FN1: variants seen among roughly 807,000 people sequenced by gnomAD.
The protein encoded by FN1 is fibronectin 1, also known as fibronectin.
Under a neutral mutation model 297.3 loss-of-function variants are expected in FN1, and 106 were observed. The ratio of observed to expected loss-of-function variants is 0.36; its 90% confidence interval spans 0.30 to 0.42. The LOEUF (loss-of-function observed/expected upper bound fraction) is 0.42, where lower values mean the gene tolerates loss of function less well. Among genes scored for constraint, FN1 ranks in the 10% least tolerant of loss-of-function variants. FN1 has a pLI of 1.00. For missense variants in FN1, 2,690 were observed against 3,124.9 expected, an observed-to-expected ratio of 0.86 and a Z score of 3.32; for synonymous variants, 1,149 against 1,152.6, an observed-to-expected ratio of 1.00 and a Z score of 0.06.
In FN1 at chr2:215,397,717, C is replaced by T. The variant is rs748791170; in HGVS notation, c.3480G>A (p.Gln1160=). Residue 1160 remains glutamine, a synonymous_variant, in exon 22 of 46, where the codon CAG becomes CAA. Transcript: ENST00000354785. ...TGTTTACAATTGGCGCATCTCTTTC[C>T]TGTCCATCTCTCAGGACTTGGATGG... The part of the protein sequence containing the change: ...VYTIQVLRDG[Q]ERDAPIVNKV... The T allele has an allele frequency of 6.2e-7, 1 of 1,614,126 alleles. No individual in the cohort carries two copies. The highest frequency in any genetic ancestry group is 8.5e-7 in the Non-Finnish European group (1 of 1,179,956).
At chr2:215,365,711 CA>C in intron 42 of FN1, 81 bp from the exon 43 acceptor site, 1 of 1,362,638 alleles carries the variant, frequency 7.3e-7, no homozygotes, top group Non-Finnish European at 1.0e-6. Flanking sequence ...TGGGACGTGT[CA>C]CAGGGTCTTC....
At chr2:215,385,137 A>G (rs768593840) in intron 28 of FN1, among the ~76,000 whole-genome samples, 161 bp from the exon 29 acceptor site, 1 of 152,120 alleles carries the variant, frequency 6.6e-6, no homozygotes, top group Non-Finnish European at 1.5e-5. Context: ...AATTCAAGAT[A>G]AGGGGTTACA....
intron 40 of FN1, among the ~76,000 whole-genome samples, chr2:215,371,086 C>CG (rs2055963098): frequency 2.0e-5 from 3 of 150,912 alleles, no homozygotes; most frequent in African/African-American, 7.3e-5. Context: ...TGGCCAACAT[C>CG]GTGAAACCCC....
At chr2:215,377,887 T>A (rs1208714819) in intron 35 of FN1, among the ~76,000 whole-genome samples, 4 of 152,306 alleles carry the variant, frequency 2.6e-5, no homozygotes, top group African/African-American at 9.6e-5. Flanking sequence ...AAGATGACAG[T>A]CATGCGTCAA....
intron 32 of FN1, chr2:215,381,966 C>A: frequency 2.1e-6 from 1 of 468,754 alleles, no homozygotes; most frequent in Non-Finnish European, 3.9e-6. Flanking sequence ...TCGCTGAGGC[C>A]ATTTGAGCAA....
chr2:215,410,530 A>G (rs1263745518), intron 13 of FN1, among the ~76,000 whole-genome samples: 1 of 145,526 alleles, frequency 6.9e-6, no homozygotes, highest in Non-Finnish European at 1.5e-5. Flanking sequence ...TTTTTGAGAC[A>G]GAGTTTTGCT....
intron 6 of FN1, among the ~76,000 whole-genome samples, chr2:215,426,827 C>T (rs1277563820): frequency 6.6e-6 from 1 of 152,084 alleles, no homozygotes; most frequent in Non-Finnish European, 1.5e-5. Context: ...CCCACCTACA[C>T]TTTTAATCTA....
Position 215,423,496 on chromosome 2 carries a change from T to C in FN1, c.1247A>G (p.Asn416Ser), listed in dbSNP as rs181283286. The C allele has an allele frequency of 5.6e-5, 91 of 1,614,210 alleles. No homozygotes were observed. The highest frequency in any genetic ancestry group is 1.9e-4 in the African/African-American group (14 of 75,064). ...GAAGGGGAAGTGGCACAAGGCACCATTGGAATTTCCTCCTCGAGTCTGAAC... is the reference window on the plus strand; with the variant it reads ...GAAGGGGAAGTGGCACAAGGCACCACTGGAATTTCCTCCTCGAGTCTGAAC... ...VLVQTRGGNS[N>S]GALCHFPFLY... The change falls in exon 9 of 46, where the codon AAT (asparagine) becomes AGT (serine). Residue 416 changes from asparagine (N) to serine (S), a missense_variant. Physicochemically the swap from Asn to Ser is conservative, Grantham distance 46. Around this residue, in one of 3 missense-constraint regions of FN1, gnomAD observed 876 missense variants for 1,058.1 expected, o/e 0.83. Coordinates refer to ENST00000354785, the MANE Select transcript of FN1 (RefSeq NM_212482.4).
At chr2:215,378,612 A>T (rs914382136) in intron 34 of FN1, among the ~76,000 whole-genome samples, 37 of 152,166 alleles carry the variant, frequency 2.4e-4, no homozygotes, top group Non-Finnish European at 5.9e-5. Flanking sequence ...GGCAAAGAGA[A>T]TGTTCCATTT....
rs1430105728 is a variant in FN1 at position 215,399,250 on chromosome 2, A to C, written c.3348+7T>G. 6.3e-7 allele frequency: 1 copy of C among 1,597,242 alleles called. No homozygotes were observed. Among genetic ancestry groups the C allele is most frequent in the South Asian group, 1.1e-5 (1 of 90,778 alleles). ...TATCACAGAGATTAGGAACATCTGC[A>C]GTTTACCTTAAAACCAATTCTTGGA... On this transcript the variant is annotated splice_region_variant and intron_variant, in intron 21 of 45. Coordinates refer to ENST00000354785, the MANE Select transcript of FN1 (RefSeq NM_212482.4).
chr2:215,377,752 T>C (rs531039861), intron 35 of FN1, among the ~76,000 whole-genome samples: 1 of 152,342 alleles, frequency 6.6e-6, no homozygotes, highest in African/African-American at 2.4e-5. Flanking sequence ...CTTAGCTCTA[T>C]GAAAACAAAT....
At chr2:215,369,343 A>G (rs922959470) in intron 41 of FN1, among the ~76,000 whole-genome samples, 2 of 152,206 alleles carry the variant, frequency 1.3e-5, no homozygotes, top group African/African-American at 4.8e-5. Context: ...GATATGTAAT[A>G]CAACAAACAC....
In FN1 at chr2:215,406,513, G is replaced by T; in HGVS notation, c.2714-3C>A. 1 of 1,613,480 alleles carries T rather than the reference G, an allele frequency of 6.2e-7. No individual in the cohort carries two copies. The highest frequency in any genetic ancestry group is 8.5e-7 in the Non-Finnish European group (1 of 1,179,858). The stretch of plus-strand genomic sequence containing the variant: ...GTCCCTGGGAGAGGGCACTGTATCT[G>T]ACAGACAAGAGTCAACTGGTCATTC... On this transcript the variant is annotated splice_region_variant and splice_polypyrimidine_tract_variant and intron_variant, in intron 18 of 45. Coordinates refer to ENST00000354785, the MANE Select transcript of FN1 (RefSeq NM_212482.4).
intron 2 of FN1, among the ~76,000 whole-genome samples, chr2:215,433,939 TA>T (rs1176977596): frequency 6.6e-6 from 1 of 152,160 alleles, no homozygotes; most frequent in Non-Finnish European, 1.5e-5. Flanking sequence ...CCGTCTCTAC[TA>T]AAAATATGAA....
chr2:215,372,466 CTG>C, intron 39 of FN1, 91 bp from the exon 40 acceptor site: 1 of 944,316 alleles, frequency 1.1e-6, no homozygotes, highest in Non-Finnish European at 1.7e-6. Flanking sequence ...GCAACAATGA[CTG>C]TTCATCAATT....
chr2:215,365,174 T>A (rs2054278813), intron 43 of FN1, among the ~76,000 whole-genome samples, 189 bp from the exon 44 acceptor site: 2 of 152,160 alleles, frequency 1.3e-5, no homozygotes, highest in African/African-American at 4.8e-5. Flanking sequence ...AAATTAGACC[T>A]AATACACTGG....
Position 215,409,677 on chromosome 2 carries a change from T to G in FN1, c.2185A>C (p.Thr729Pro). The change falls in exon 15 of 46, where the codon ACC becomes CCC. Residue 729 changes from threonine (T) to proline (P), a missense_variant. By Grantham distance (38) the Thr-to-Pro change is conservative (BLOSUM62 -1). Coordinates refer to ENST00000354785, the MANE Select transcript of FN1 (RefSeq NM_212482.4). ...SPLVATSESVTEITASSFVVS... is the reference protein window; with the variant it reads ...SPLVATSESVPEITASSFVVS... ...ACAAAGCTACTGGCTGTGATTTCGG[T>G]CACAGATTCAGAAGTGGCCACAAGA... 6.2e-7 allele frequency: 1 copy of G among 1,613,802 alleles called. No individual in the cohort carries two copies. The highest frequency in any genetic ancestry group is 8.5e-7 in the Non-Finnish European group (1 of 1,179,942).
intron 23 of FN1, among the ~76,000 whole-genome samples, chr2:215,396,289 T>TGGAAAGGTTTTCCACATGGA (rs1230776615): frequency 6.6e-6 from 1 of 152,212 alleles, no homozygotes; most frequent in Non-Finnish European, 1.5e-5. Flanking sequence ...TTTTTCTCCA[T>TGGAAAGGTTTTCCACATGGA]AGGTTTGTTG....
Position 215,435,772 on chromosome 2 carries a change from G to A in FN1, c.31C>T (p.Leu11=), listed in dbSNP as rs1292952651. 8 of 1,582,206 alleles carry A rather than the reference G, an allele frequency of 5.1e-6. No homozygotes were observed. Among genetic ancestry groups the A allele is most frequent in the Non-Finnish European group, 6.9e-6 (8 of 1,165,964 alleles). MLRGPGPGLL[L]LAVQCLGTAV... ...GTCCCCAGGCACTGGACGGCCAGCAGCAGCAGCCCGGGCCCCGGACCCCTA... is the reference window on the plus strand; with the variant it reads ...GTCCCCAGGCACTGGACGGCCAGCAACAGCAGCCCGGGCCCCGGACCCCTA... Residue 11 remains leucine (L), a synonymous_variant, in exon 1 of 46, where the codon CTG becomes TTG. Coordinates refer to ENST00000354785, the MANE Select transcript of FN1 (RefSeq NM_212482.4).
Sources: allele counts gnomAD v4.1 joint callset (sites outside exome capture counted in the v4.1 genomes callset), GRCh38; gene constraint gnomAD v4.1.1; regional missense constraint gnomAD v4.1.1; transcripts MANE v1.5; gene names NCBI Gene and HGNC (gene_info 2026-07-23, HGNC 2026-07-21).